Variants in MSR1 observed in about 807,000 individuals in gnomAD.
MSR1 encodes the protein macrophage scavenger receptor types I and II.
In MSR1, 53 loss-of-function variants were observed where a neutral mutation model predicts 47.2. The observed-to-expected ratio is 1.12, with a 90% CI of 0.90 to 1.41. The LOEUF is 1.41. MSR1 is among the 40% of genes most tolerant of loss of function. The probability of loss-of-function intolerance (pLI) is 0.00; values close to 1 mark genes in which losing one functional copy is unlikely to be tolerated. For missense variants in MSR1, 786 were observed against 546.9 expected, an observed-to-expected ratio of 1.44 and a Z score of -4.36; for synonymous variants, 239 against 185.6, an observed-to-expected ratio of 1.29 and a Z score of -2.34.
At chr8:16,162,805 G>A (rs770178455) in intron 5 of MSR1, among the ~76,000 whole-genome samples, 1 of 151,950 alleles carries the variant, frequency 6.6e-6, no homozygotes, top group Non-Finnish European at 1.5e-5. Flanking sequence ...TCTGGACCAA[G>A]AAGAAAGGCA....
chr8:16,134,842 T>A (rs76313722), intron 8 of MSR1, among the ~76,000 whole-genome samples: 2,808 of 152,290 alleles, frequency 0.018, 96 homozygotes, highest in South Asian at 0.12. Flanking sequence ...ATTGCCGATA[T>A]AAAGTTTTAG....
chr8:16,163,985 T>G, intron 5 of MSR1, 80 bp downstream of exon 5: 1 of 1,128,862 alleles, frequency 8.9e-7, no homozygotes, highest in Non-Finnish European at 1.2e-6. Context: ...AACCATAGGA[T>G]TTCAAATATC....
intron 9 of MSR1, among the ~76,000 whole-genome samples, chr8:16,112,791 T>C (rs182267079): frequency 2.0e-3 from 298 of 152,034 alleles, no homozygotes; most frequent in African/African-American, 6.8e-3. Flanking sequence ...AAATTACGTG[T>C]GTTTCTTAGA....
intron 8 of MSR1, among the ~76,000 whole-genome samples, chr8:16,141,926 A>C (rs1405500812): frequency 6.6e-6 from 1 of 152,196 alleles, no homozygotes; most frequent in Admixed American, 6.5e-5. Context: ...GATAAAATAA[A>C]GGCAGAGATA....
chr8:16,184,417 G>A (rs1801933860), intron 1 of MSR1, among the ~76,000 whole-genome samples: 2 of 152,170 alleles, frequency 1.3e-5, no homozygotes, highest in South Asian at 4.1e-4. Context: ...GAAAAAAATG[G>A]TATTTTAAAC....
intron 8 of MSR1, among the ~76,000 whole-genome samples, chr8:16,123,414 A>G (rs1015570969): frequency 2.6e-5 from 4 of 152,278 alleles, no homozygotes; most frequent in African/African-American, 9.6e-5. Flanking sequence ...TTTCTCTGTA[A>G]GACTGAAGGA....
Position 16,182,150 on chromosome 8 carries a change from A to T in MSR1, c.-4-4158T>A, listed in dbSNP as rs146045754. 3.9e-5 allele frequency among the ~76,000 whole-genome samples: 6 copies of T among 152,334 alleles called. No homozygotes were observed. The East Asian group carries it at 9.6e-4, about 24-fold the overall frequency. On this transcript the variant is annotated intron_variant, in intron 1 of 9. Coordinates refer to ENST00000262101, the MANE Select transcript of MSR1 (RefSeq NM_138715.3). The stretch of plus-strand genomic sequence containing the variant: ...TTATACTGTGCTGAATCCTGTAGGC[A>T]GTTGGAACACAATGGCAAGTATGTG...
At chr8:16,164,624 T>C (rs1419392623) in intron 4 of MSR1, among the ~76,000 whole-genome samples, 1 of 152,002 alleles carries the variant, frequency 6.6e-6, no homozygotes, top group Non-Finnish European at 1.5e-5. Context: ...GGCAACATAG[T>C]CAAATTTCGT....
intron 1 of MSR1, among the ~76,000 whole-genome samples, chr8:16,179,484 T>C (rs535200460): frequency 6.6e-6 from 1 of 152,234 alleles, no homozygotes; most frequent in Non-Finnish European, 1.5e-5. Flanking sequence ...ATTTCCTTAG[T>C]ATTATTTTAA....
intron 8 of MSR1, among the ~76,000 whole-genome samples, chr8:16,137,257 G>C (rs150941391): frequency 6.6e-6 from 1 of 152,182 alleles, no homozygotes; most frequent in African/African-American, 2.4e-5. Context: ...AGGGAGACTA[G>C]AGGCAATAGC....
At position 16,167,869 on chromosome 8, in the gene MSR1, C is replaced by G. The variant is rs150918323; in HGVS notation, c.630+589G>C. Among the ~76,000 whole-genome samples, 926 of 152,168 alleles carry G rather than the reference C, an allele frequency of 6.1e-3. 13 individuals carry two copies. The highest frequency in any genetic ancestry group is 0.021 in the African/African-American group (857 of 41,502). On this transcript the variant is annotated intron_variant, in intron 4 of 9. Coordinates refer to ENST00000262101, the MANE Select transcript of MSR1 (RefSeq NM_138715.3). ...AGCCCAAGGCTTTGATATCCCAATACCCTTTGATATGCTTACTTATTAACA... is the reference window on the plus strand; with the variant it reads ...AGCCCAAGGCTTTGATATCCCAATAGCCTTTGATATGCTTACTTATTAACA...
chr8:16,121,255 T>C (rs1800000053), intron 8 of MSR1: 1 of 381,346 alleles, frequency 2.6e-6, no homozygotes. Flanking sequence ...CAATTTTGTT[T>C]ATTTTTAGAA....
At chr8:16,183,469 T>C (rs1679408) in intron 1 of MSR1, among the ~76,000 whole-genome samples, 32,300 of 148,438 alleles carry the variant, frequency 0.22, 4,586 homozygotes, top group East Asian at 0.53. Context: ...AATATTCATA[T>C]ATGAATAGAT....
intron 9 of MSR1, among the ~76,000 whole-genome samples, chr8:16,113,600 T>C (rs1030102590): frequency 9.2e-5 from 14 of 152,152 alleles, no homozygotes; most frequent in African/African-American, 3.4e-4. Context: ...GGAATCAAAG[T>C]AGAGAAGAAT....
Position 16,175,413 on chromosome 8 carries a change from A to G in MSR1, c.104-113T>C. On this transcript the variant is annotated intron_variant, in intron 2 of 9. Transcript: ENST00000262101. ...ACTACCAAGCCTATTGGAATAAAAAAGAAGAAAAAATGTTCCACATCTTTG... is the reference window on the plus strand; with the variant it reads ...ACTACCAAGCCTATTGGAATAAAAAGGAAGAAAAAATGTTCCACATCTTTG... The G allele has an allele frequency of 2.2e-6, 2 of 924,030 alleles. 1 individual carries two copies. The highest frequency in any genetic ancestry group is 3.0e-5 in the South Asian group (2 of 66,438). 57.2% of individuals were successfully genotyped at this position (924,030 alleles called of 1,614,324 possible). A position where few individuals can be genotyped will look rare whatever the true frequency, so the allele number is the denominator to read the frequency against.
chr8:16,115,109 G>A (rs912120094), intron 9 of MSR1, among the ~76,000 whole-genome samples: 1 of 152,074 alleles, frequency 6.6e-6, no homozygotes, highest in Admixed American at 6.6e-5. Context: ...AACCTGGGAG[G>A]CAGAGGTTGC....
At chr8:16,170,782 C>G (rs779576488) in intron 3 of MSR1, among the ~76,000 whole-genome samples, 13 of 152,142 alleles carry the variant, frequency 8.5e-5, no homozygotes, top group Non-Finnish European at 1.3e-4. Flanking sequence ...TCTTCCTACA[C>G]TCCTCCATTA....
chr8:16,154,773 A>G (rs35341602), intron 6 of MSR1, among the ~76,000 whole-genome samples: 8 of 151,874 alleles, frequency 5.3e-5, no homozygotes, highest in Non-Finnish European at 1.0e-4. Flanking sequence ...ACATGTCACT[A>G]TCTAGACTTA....
rs1404547546 is a variant in MSR1 at position 16,137,585 on chromosome 8, T to C, written c.1033+5973A>G. Among the ~76,000 whole-genome samples the C allele has an allele frequency of 3.9e-5, 6 of 152,170 alleles. 1 individual carries two copies. The highest frequency in any genetic ancestry group is 1.3e-4 in the Admixed American group (2 of 15,270). Reference sequence around the variant, plus strand: ...GACTTTGGAGATTTAAAGACCTGGCTTTGAGTTTCTGTTCTTCCACTTATT... The same window carrying C: ...GACTTTGGAGATTTAAAGACCTGGCCTTGAGTTTCTGTTCTTCCACTTATT... On this transcript the variant is annotated intron_variant, in intron 8 of 9. Coordinates refer to ENST00000262101, the MANE Select transcript of MSR1 (RefSeq NM_138715.3).
Sources: allele counts gnomAD v4.1 joint callset (sites outside exome capture counted in the v4.1 genomes callset), GRCh38; gene constraint gnomAD v4.1.1; transcripts MANE v1.5; gene names NCBI Gene and HGNC (gene_info 2026-07-23, HGNC 2026-07-21).